The following PIGR variants were observed in gnomAD, a reference collection of about 807,000 sequenced individuals.
PIGR encodes the protein polymeric immunoglobulin receptor.
Under a neutral mutation model 69.5 loss-of-function variants are expected in PIGR, and 22 were observed. That is an observed-to-expected ratio of 0.32 (90% CI 0.23 to 0.45). The LOEUF is 0.45. Ranked by LOEUF, PIGR falls within the 20% of genes least tolerant of loss-of-function variation. The pLI, the probability that PIGR is intolerant of heterozygous loss-of-function variation, is 1.00. For synonymous variants in PIGR, 413 were observed against 407.6 expected (o/e 1.01, Z -0.16); for missense variants, 885 against 974.0 (o/e 0.91, Z 1.22).
chr1:206,944,065 T>C (rs573057793), intron 1 of PIGR, among the ~76,000 whole-genome samples: 2 of 152,356 alleles, frequency 1.3e-5, no homozygotes, highest in South Asian at 4.1e-4. Context: ...TCAGAGGGTC[T>C]TCCTATTGAG....
chr1:206,933,401 G>C (rs144513641), intron 6 of PIGR, among the ~76,000 whole-genome samples: 1 of 152,130 alleles, frequency 6.6e-6, no homozygotes, highest in African/African-American at 2.4e-5. Flanking sequence ...TCAAGGCTTC[G>C]TGTCATAGAC....
chr1:206,937,615 C>T lies in PIGR; in HGVS notation c.525G>A (p.Leu175=), dbSNP rs763756473. The part of the protein sequence containing the change: ...LYKQIGLYPV[L]VIDSSGYVNP... ...TTACATAACCACTGGAGTCGATGAC[C>T]AGCACAGGGTACAGGCCTATCTGCT... The change falls in exon 4 of 11, where the codon CTG becomes CTA. Residue 175 remains leucine (L), a synonymous_variant. Coordinates refer to ENST00000356495, the MANE Select transcript of PIGR (RefSeq NM_002644.4). 1 of 1,613,824 alleles carries T rather than the reference C, an allele frequency of 6.2e-7. No individual in the cohort carries two copies.
Position 206,939,105 on chromosome 1 carries a change from G to T in PIGR, c.388+14C>A. 6.3e-7 allele frequency: 1 copy of T among 1,590,260 alleles called. No homozygotes were observed. Among genetic ancestry groups the T allele is most frequent in the South Asian group, 1.1e-5 (1 of 89,172 alleles). On this transcript the variant is annotated intron_variant, in intron 3 of 10. Transcript: ENST00000356495. ...TAACTTTCCCCCAGAAGCCCAAGGA[G>T]CTTGGATCCTTACCCTGGCTGACCT...
At chr1:206,937,779 G>A (rs1019206347) in intron 3 of PIGR, 28 bp from the exon 4 acceptor site, 2 of 1,604,138 alleles carry the variant, frequency 1.2e-6, no homozygotes, top group Non-Finnish European at 1.7e-6. Flanking sequence ...CAAGGTAGGG[G>A]GCAGGCAAGT....
At chr1:206,945,197 C>G (rs1337566178) in intron 1 of PIGR, among the ~76,000 whole-genome samples, 1 of 152,198 alleles carries the variant, frequency 6.6e-6, no homozygotes, top group East Asian at 1.9e-4. Context: ...TGTCCAGGCA[C>G]CAGACAGCTG....
Position 206,931,993 on chromosome 1 carries a change from A to G in PIGR, c.2009-191T>C, listed in dbSNP as rs568797252. Among the ~76,000 whole-genome samples, 6 of 152,242 alleles carry G rather than the reference A, an allele frequency of 3.9e-5. No homozygotes were observed. The South Asian group carries it at 1.2e-3, about 32-fold the overall frequency. On this transcript the variant is annotated intron_variant, in intron 8 of 10. Transcript: ENST00000356495. Reference sequence around the variant, plus strand: ...CAGTCCCTTTTCCTGGGTAATCAGGACTTGGTAATCCCTGATCTTTGTCAC... The same window carrying G: ...CAGTCCCTTTTCCTGGGTAATCAGGGCTTGGTAATCCCTGATCTTTGTCAC...
intron 8 of PIGR, 29 bp downstream of exon 8, chr1:206,932,427 G>T: frequency 6.3e-7 from 1 of 1,591,782 alleles, no homozygotes; most frequent in South Asian, 1.1e-5. Context: ...GGTTGGAGGT[G>T]GGAGGCAGGG....
chr1:206,943,841 G>A (rs757681858), intron 1 of PIGR, among the ~76,000 whole-genome samples: 6 of 152,176 alleles, frequency 3.9e-5, no homozygotes, highest in Non-Finnish European at 7.3e-5. Context: ...CTAGAAGAAC[G>A]TACGCTGAGT....
In PIGR at chr1:206,929,553, A is replaced by C. The variant is rs1415277389; in HGVS notation, c.*765T>G. Reference sequence around the variant, plus strand: ...CAGTGAGAGACTCCGTCTCAAAAAAAAAAAAGAAAAAGAAAAACGCTTCAC... The same window carrying C: ...CAGTGAGAGACTCCGTCTCAAAAAACAAAAAGAAAAAGAAAAACGCTTCAC... On this transcript the variant is annotated 3_prime_UTR_variant, in exon 11 of 11. Coordinates refer to ENST00000356495, the MANE Select transcript of PIGR (RefSeq NM_002644.4). 1 of 152,124 alleles carries C rather than the reference A, an allele frequency of 6.6e-6. No homozygotes were observed. The highest frequency in any genetic ancestry group is 6.5e-5 in the Admixed American group (1 of 15,270). 9.4% of individuals were successfully genotyped at this position (152,124 alleles called of 1,614,324 possible).
rs756425164 is a variant in PIGR, at chr1:206,937,413, C to T, written c.727G>A (p.Glu243Lys). The T allele has an allele frequency of 4.3e-6, 7 of 1,614,094 alleles. No individual in the cohort carries two copies. Among genetic ancestry groups the T allele is most frequent in the South Asian group, 1.1e-5 (1 of 91,076 alleles). Residue 243 changes from glutamate to lysine, a missense_variant, in exon 4 of 11, where the codon GAG becomes AAG. Glu to Lys is a moderately conservative substitution (Grantham distance 56). Coordinates refer to ENST00000356495, the MANE Select transcript of PIGR (RefSeq NM_002644.4). ...ADLQVLKPEP[E>K]LVYEDLRGSV... ...CCCCTCAGGTCTTCATAAACCAGCT[C>T]GGGCTCGGGCTTTAGCACTTGGAGG...
intron 8 of PIGR, among the ~76,000 whole-genome samples, chr1:206,932,101 C>A (rs1488040768): frequency 1.3e-5 from 2 of 152,290 alleles, no homozygotes; most frequent in African/African-American, 2.4e-5. Context: ...TGACTTGAGC[C>A]ATGAGGAAAC....
At position 206,931,231 on chromosome 1, in the gene PIGR, C is replaced by T. The variant is rs1212030750; in HGVS notation, c.2199+266G>A. The T allele has an allele frequency of 5.1e-6, 5 of 985,346 alleles. No individual in the cohort carries two copies. In the African/African-American group the frequency reaches 5.2e-5, roughly 10 times the overall value. The allele number at this position is 985,346 out of a possible 1,614,324, so 61.0% of individuals were successfully genotyped here. A position where few individuals can be genotyped will look rare whatever the true frequency, so the allele number is the denominator to read the frequency against. Reference sequence around the variant, plus strand: ...CCATCTTTTATGCACCTGCTTTCCTCATCTCCTGGCCTGCCTCTCTCCTGC... The same window carrying T: ...CCATCTTTTATGCACCTGCTTTCCTTATCTCCTGGCCTGCCTCTCTCCTGC... On this transcript the variant is annotated intron_variant, in intron 10 of 10. Coordinates refer to ENST00000356495, the MANE Select transcript of PIGR (RefSeq NM_002644.4).
chr1:206,932,662 T>C, intron 7 of PIGR, 85 bp from the exon 8 acceptor site: 1 of 1,464,230 alleles, frequency 6.8e-7, no homozygotes. Context: ...TTAGTCCTTT[T>C]TCCTCCCAGG....
rs1224905434 is a variant in PIGR, at chr1:206,937,264, G to T, written c.876C>A (p.Ala292=). 3 of 1,613,898 alleles carry T rather than the reference G, an allele frequency of 1.9e-6. No homozygotes were observed. The highest frequency in any genetic ancestry group is 1.1e-5 in the South Asian group (1 of 91,060). The change falls in exon 4 of 11, where the codon GCC becomes GCA. Residue 292 remains alanine, a synonymous_variant. Transcript: ENST00000356495. ...VVNTLGKRAP[A]FEGRILLNPQ... is the part of the protein sequence containing the mutation. ...GGTTGAGCAGGATCCTGCCCTCAAA[G>T]GCTGGGGCCCTCTTCCCCAGGGTGT...
chr1:206,930,543 G>A lies in PIGR; in HGVS notation c.2200-130C>T, dbSNP rs1679717619. 16 of 1,359,008 alleles carry A rather than the reference G, an allele frequency of 1.2e-5. No individual in the cohort carries two copies. In the South Asian group the frequency reaches 2.6e-4, roughly 22 times the overall value. 84.2% of individuals were successfully genotyped at this position (1,359,008 alleles called of 1,614,324 possible). The stretch of plus-strand genomic sequence containing the variant: ...GCAACACAAGCCTTTGGGGCCCACT[G>A]TTCTCATCCCAGCCCCCATGCTCAC... On this transcript the variant is annotated intron_variant, in intron 10 of 10. Coordinates refer to ENST00000356495, the MANE Select transcript of PIGR (RefSeq NM_002644.4). The surrounding 1 kb of genome is among the most constrained non-coding windows in gnomAD (Gnocchi z 4.3).
Position 206,932,439 on chromosome 1 carries a change from G to C in PIGR, c.2008+17C>G, listed in dbSNP as rs761027073. 7 of 1,600,830 alleles carry C rather than the reference G, an allele frequency of 4.4e-6. No individual in the cohort carries two copies. Among genetic ancestry groups the C allele is most frequent in the Admixed American group, 3.4e-5 (2 of 58,176 alleles). On this transcript the variant is annotated intron_variant, in intron 8 of 10. Transcript: ENST00000356495. ...TCGGGTTGGAGGTGGGAGGCAGGGA[G>C]TATCCCAGGGACTCACCGACGTTCT...
In PIGR at chr1:206,931,754, A is replaced by T. The variant is rs1197438740; in HGVS notation, c.2057T>A (p.Phe686Tyr). The T allele has an allele frequency of 1.9e-6, 3 of 1,613,882 alleles. No homozygotes were observed. The highest frequency in any genetic ancestry group is 1.7e-5 in the Admixed American group (1 of 59,986). ...SYRTDISMSD[F>Y]ENSREFGAND... ...GGCTCCAAATTCCCTGGAGTTCTCG[A>T]AGTCTGACATGCTAATGTCTGTCCT... The change falls in exon 9 of 11, where the codon TTC (phenylalanine) becomes TAC (tyrosine). Residue 686 changes from phenylalanine (F) to tyrosine (Y), a missense_variant. By Grantham distance (22) the Phe-to-Tyr change is conservative (BLOSUM62 3). Transcript: ENST00000356495.
intron 8 of PIGR, 23 bp downstream of exon 8, chr1:206,932,433 C>T (rs200088232): frequency 6.3e-7 from 1 of 1,596,218 alleles, no homozygotes; most frequent in Non-Finnish European, 8.5e-7. Context: ...AGGTGGGAGG[C>T]AGGGAGTATC....
Position 206,942,982 on chromosome 1 carries a change from T to C in PIGR, c.-53-2398A>G, listed in dbSNP as rs113043891. Among the ~76,000 whole-genome samples, 926 of 152,296 alleles carry C rather than the reference T, an allele frequency of 6.1e-3. 12 individuals are homozygous for C. Among genetic ancestry groups the C allele is most frequent in the African/African-American group, 0.022 (900 of 41,544 alleles). On this transcript the variant is annotated intron_variant, in intron 1 of 10. Transcript: ENST00000356495. ...AAAACTTGAAGCACAATTTCTCTAG[T>C]AGCATTTGAAAGGACCTCGAGCTTT...
Sources: allele counts gnomAD v4.1 joint callset (sites outside exome capture counted in the v4.1 genomes callset), GRCh38; gene constraint gnomAD v4.1.1; non-coding constraint Gnocchi (gnomAD v3.1); transcripts MANE v1.5; gene names NCBI Gene and HGNC (gene_info 2026-07-23, HGNC 2026-07-21).